Variants in NRG1 observed in about 807,000 individuals in gnomAD.
The protein encoded by NRG1 is neuregulin 1.
In NRG1, 18 loss-of-function variants were observed where a neutral mutation model predicts 63.8. The ratio of observed to expected loss-of-function variants is 0.28; its 90% CI spans 0.19 to 0.42. NRG1 has a LOEUF of 0.42. Ranked by LOEUF, NRG1 falls within the 10% of genes least tolerant of loss-of-function variation. The probability of loss-of-function intolerance (pLI) is 1.00; values close to 1 mark genes in which losing one functional copy is unlikely to be tolerated. For synonymous variants in NRG1, 302 were observed against 301.3 expected, an observed-to-expected ratio of 1.00 and a Z score of -0.02; for missense variants, 762 against 814.7, an observed-to-expected ratio of 0.94 and a Z score of 0.79.
At chr8:32,305,233 TA>T (rs1856048754) in intron 1 of NRG1, among the ~76,000 whole-genome samples, 2 of 152,160 alleles carry the variant, frequency 1.3e-5, no homozygotes, top group African/African-American at 2.4e-5. Flanking sequence ...GATAAAACTT[TA>T]AAAAATTGAT....
At chr8:32,274,389 G>T (rs982204818) in intron 1 of NRG1, among the ~76,000 whole-genome samples, 1 of 152,148 alleles carries the variant, frequency 6.6e-6, no homozygotes, top group East Asian at 1.9e-4. Context: ...CGGGATAGGT[G>T]GAGAAAAGAT....
At chr8:32,649,736 G>T (rs1346527864) in intron 5 of NRG1, among the ~76,000 whole-genome samples, 2 of 152,126 alleles carry the variant, frequency 1.3e-5, no homozygotes, top group African/African-American at 4.8e-5. Context: ...TTGTTTTCTA[G>T]GTGCAATTAG....
chr8:32,069,493 C>T (rs1460264154), intron 1 of NRG1, among the ~76,000 whole-genome samples: 1 of 152,114 alleles, frequency 6.6e-6, no homozygotes, highest in African/African-American at 2.4e-5. Context: ...AACTTTCTAG[C>T]AATGGTTGAT....
chr8:32,120,026 C>A (rs1335925335), intron 1 of NRG1, among the ~76,000 whole-genome samples: 1 of 151,902 alleles, frequency 6.6e-6, no homozygotes, highest in Non-Finnish European at 1.5e-5. Flanking sequence ...TAAATCTCTC[C>A]AAGTCTCAGT....
chr8:31,713,353 T>C (rs1812014868), intron 1 of NRG1, among the ~76,000 whole-genome samples: 2 of 152,042 alleles, frequency 1.3e-5, no homozygotes, highest in Non-Finnish European at 2.9e-5. Flanking sequence ...CCTGACCTCG[T>C]GATCCGCCGG....
intron 1 of NRG1, among the ~76,000 whole-genome samples, chr8:32,283,045 G>T (rs2129473423): frequency 6.6e-6 from 1 of 152,206 alleles, no homozygotes; most frequent in Admixed American, 6.5e-5. Flanking sequence ...TGAGTCCTTA[G>T]AAGAAATACC....
intron 1 of NRG1, among the ~76,000 whole-genome samples, chr8:32,233,536 AATATATATATATAT>A (rs71541806): frequency 1.1e-5 from 1 of 88,128 alleles, no homozygotes; most frequent in East Asian, 3.4e-4. Flanking sequence ...AACTCGAAAG[AATATATATATATAT>A]ATATATATAT....
intron 1 of NRG1, among the ~76,000 whole-genome samples, chr8:32,470,355 A>C (rs897135707): frequency 6.0e-5 from 9 of 150,158 alleles, no homozygotes; most frequent in Admixed American, 1.3e-4. Flanking sequence ...TAATTTATTT[A>C]TTTTTTTCTT....
intron 1 of NRG1, among the ~76,000 whole-genome samples, chr8:32,089,120 G>C (rs1304116121): frequency 2.8e-4 from 42 of 152,112 alleles, no homozygotes; most frequent in Admixed American, 2.8e-3. Flanking sequence ...ATCCCTGGTG[G>C]AGGGGAGAGA....
At chr8:32,466,225 G>A (rs985763469) in intron 1 of NRG1, among the ~76,000 whole-genome samples, 25 of 152,106 alleles carry the variant, frequency 1.6e-4, no homozygotes, top group African/African-American at 5.8e-4. Context: ...TACTTGGAGG[G>A]CTAAGGCAGG....
At chr8:31,837,728 G>A (rs1240339712) in intron 1 of NRG1, among the ~76,000 whole-genome samples, 3 of 152,050 alleles carry the variant, frequency 2.0e-5, no homozygotes. Context: ...GTGAGATCAT[G>A]TTGTATTTTT....
At position 32,356,302 on chromosome 8, in the gene NRG1, G is replaced by A. The variant is rs192701450; in HGVS notation, c.38-239526G>A. 6.3e-3 allele frequency among the ~76,000 whole-genome samples: 966 copies of A among 152,198 alleles called. 11 individuals carry two copies. The highest frequency in any genetic ancestry group is 0.031 in the Middle Eastern group (9 of 294). On this transcript the variant is annotated intron_variant, in intron 1 of 10. Transcript: ENST00000519301. ...AAAATACAAGGGGTAATTAGACATC[G>A]ACTGTGTAGTCAACATTATGATCAG...
At chr8:31,797,034 T>G (rs2131695744) in intron 1 of NRG1, among the ~76,000 whole-genome samples, 2 of 152,290 alleles carry the variant, frequency 1.3e-5, no homozygotes, top group South Asian at 4.1e-4. Context: ...AGACTGAATC[T>G]GAGCAGAATA....
chr8:32,419,423 A>G (rs1387171652), intron 1 of NRG1, among the ~76,000 whole-genome samples: 2 of 152,168 alleles, frequency 1.3e-5, no homozygotes, highest in Non-Finnish European at 2.9e-5. Context: ...GACCAGTACA[A>G]TGTGTTTTCT....
chr8:32,141,846 G>T (rs1197958266), intron 1 of NRG1, among the ~76,000 whole-genome samples: 2 of 151,894 alleles, frequency 1.3e-5, no homozygotes, highest in South Asian at 2.1e-4. Flanking sequence ...AGAACTCATT[G>T]CTTTTCCAGT....
chr8:32,535,690 C>T (rs1294582708), intron 1 of NRG1, among the ~76,000 whole-genome samples: 2 of 152,158 alleles, frequency 1.3e-5, no homozygotes, highest in Admixed American at 6.5e-5. Context: ...ATCATCTGCT[C>T]TTTGTGAATT....
At chr8:32,178,711 A>T (rs949976201) in intron 1 of NRG1, among the ~76,000 whole-genome samples, 1 of 152,160 alleles carries the variant, frequency 6.6e-6, no homozygotes, top group Non-Finnish European at 1.5e-5. Flanking sequence ...GCTGTACTTT[A>T]GGCAAATTCT....
chr8:32,708,130 T>C (rs1329585172), intron 5 of NRG1, among the ~76,000 whole-genome samples: 1 of 152,152 alleles, frequency 6.6e-6, no homozygotes, highest in Non-Finnish European at 1.5e-5. Flanking sequence ...CTAACTTATA[T>C]TATCTTATGA....
At chr8:32,412,248 A>G (rs1815068106) in intron 1 of NRG1, among the ~76,000 whole-genome samples, 2 of 151,596 alleles carry the variant, frequency 1.3e-5, no homozygotes, top group Non-Finnish European at 1.5e-5. Flanking sequence ...AATTTATACC[A>G]TTGGCTCTCC....
Sources: allele counts gnomAD v4.1 joint callset (sites outside exome capture counted in the v4.1 genomes callset), GRCh38; gene constraint gnomAD v4.1.1; transcripts MANE v1.5; gene names NCBI Gene and HGNC (gene_info 2026-07-23, HGNC 2026-07-21).